Variants in RALGDS observed in about 807,000 individuals in gnomAD.
RALGDS encodes ral guanine nucleotide exchange factor.
RALGDS carries 44 observed loss-of-function variants against 99.8 expected under a neutral mutation model. The observed-to-expected ratio is 0.44, with a 90% CI of 0.35 to 0.57. The LOEUF (loss-of-function observed/expected upper bound fraction) is 0.57, where lower values mean the gene tolerates loss of function less well. Among genes scored for constraint, RALGDS ranks in the 20% least tolerant of loss-of-function variants. The pLI, the probability that RALGDS is intolerant of heterozygous loss-of-function variation, is 0.01. For synonymous variants in RALGDS, 529 were observed against 505.0 expected (o/e 1.05, Z -0.64); for missense variants, 1,022 against 1,203.1 (o/e 0.85, Z 2.23).
upstream of RALGDS, among the ~76,000 whole-genome samples, chr9:133,123,249 C>A (rs929324424): frequency 6.6e-6 from 1 of 152,152 alleles, no homozygotes; most frequent in Non-Finnish European, 1.5e-5. Flanking sequence ...AACTGAAAGT[C>A]CAGAAGCTGC....
chr9:133,106,986 G>A, intron 7 of RALGDS, 99 bp downstream of exon 7: 1 of 1,336,510 alleles, frequency 7.5e-7, no homozygotes. Flanking sequence ...ATGCCCCTGG[G>A]AAGGGTAGAC....
Position 133,101,539 on chromosome 9 carries a change from T to G in RALGDS, c.2435A>C (p.Asn812Thr). Residue 812 changes from asparagine (N) to threonine (T), a missense_variant, in exon 16 of 18, where the codon AAC becomes ACC. By Grantham distance (65) the Asn-to-Thr change is moderately conservative (BLOSUM62 0). Transcript: ENST00000372050. ...GCTTACCAGGATGCTCTTGTACATG[T>G]TGCCATTGTCCACGTCCAGGCTGAC... ...IRVSLDVDNG[N>T]MYKSILVTSQ... The G allele has an allele frequency of 6.2e-7, 1 of 1,612,358 alleles. No individual in the cohort carries two copies. Among genetic ancestry groups the G allele is most frequent in the Non-Finnish European group, 8.5e-7 (1 of 1,180,022 alleles).
intron 1 of RALGDS, among the ~76,000 whole-genome samples, chr9:133,137,098 G>A (rs1832439962): frequency 6.6e-6 from 1 of 152,010 alleles, no homozygotes; most frequent in South Asian, 2.1e-4. Context: ...AGACGGGTGT[G>A]GTGGTGCACC....
At chr9:133,120,882 C>T (rs1831896619) in intron 1 of RALGDS, 90 bp downstream of exon 1, 3 of 1,324,410 alleles carry the variant, frequency 2.3e-6, no homozygotes, top group Admixed American at 7.4e-5. Flanking sequence ...ATCGCCCGGC[C>T]CCGTCCGGGG....
chr9:133,134,576 C>T (rs1197569205), upstream of RALGDS, among the ~76,000 whole-genome samples: 1 of 152,200 alleles, frequency 6.6e-6, no homozygotes, highest in East Asian at 1.9e-4. Flanking sequence ...AGGCTGCTTG[C>T]TTTCCTCTAC....
At chr9:133,129,803 CT>C (rs1832277812) in intron 1 of RALGDS, among the ~76,000 whole-genome samples, 2 of 143,660 alleles carry the variant, frequency 1.4e-5, no homozygotes, top group South Asian at 4.5e-4. Context: ...ACGAGATTTC[CT>C]TTCTTCTTTT....
intron 1 of RALGDS, among the ~76,000 whole-genome samples, chr9:133,142,820 C>A (rs187566966): frequency 6.6e-6 from 1 of 152,248 alleles, no homozygotes; most frequent in Admixed American, 6.5e-5. Flanking sequence ...CTCCCAGCCC[C>A]GCCCTGCCCA....
Position 133,102,856 on chromosome 9 carries a change from G to A in RALGDS, c.1836C>T (p.Cys612=), listed in dbSNP as rs753020604. Residue 612 remains cysteine, a synonymous_variant, in exon 13 of 18, where the codon TGC becomes TGT. Coordinates refer to ENST00000372050, the MANE Select transcript of RALGDS (RefSeq NM_006266.4). ...IAQIKLLQSA[C]NNYSIAPDEQ... Reference sequence around the variant, plus strand: ...CATCTGGCGCGATGCTGTAGTTGTTGCAGGCCGACTGCAGCAGCTTGATCT... The same window carrying A: ...CATCTGGCGCGATGCTGTAGTTGTTACAGGCCGACTGCAGCAGCTTGATCT... The A allele has an allele frequency of 1.9e-6, 3 of 1,613,670 alleles. No individual in the cohort carries two copies. Among genetic ancestry groups the A allele is most frequent in the East Asian group, 4.5e-5 (2 of 44,880 alleles).
At chr9:133,125,498 T>C (rs1409754469), upstream of RALGDS, among the ~76,000 whole-genome samples, 1 of 151,872 alleles carries the variant, frequency 6.6e-6, no homozygotes, top group African/African-American at 2.4e-5. Context: ...CTTTGGGAGG[T>C]TGAGCTGGGT....
intron 1 of RALGDS, chr9:133,148,829 G>T: frequency 3.6e-6 from 4 of 1,103,172 alleles, no homozygotes; most frequent in Non-Finnish European, 5.1e-6. Context: ...CCCGGGCGGG[G>T]TTGGACGCGG....
rs199581095 is a variant in RALGDS, at chr9:133,107,169, A to G, written c.1329T>C (p.Cys443=). Residue 443 remains cysteine (C), a synonymous_variant, in exon 7 of 18, where the codon TGT becomes TGC. Coordinates refer to ENST00000372050, the MANE Select transcript of RALGDS (RefSeq NM_006266.4). ...TVTQFNSVAN[C]VITTCLGNRS... Reference sequence around the variant, plus strand: ...GGTTCCCGAGGCAGGTGGTGATGACACAGTTGGCCACACTGTTGAACTGGG... The same window carrying G: ...GGTTCCCGAGGCAGGTGGTGATGACGCAGTTGGCCACACTGTTGAACTGGG... 5.6e-6 allele frequency: 9 copies of G among 1,613,594 alleles called. No homozygotes were observed. Among genetic ancestry groups the G allele is most frequent in the East Asian group, 4.5e-5 (2 of 44,890 alleles).
intron 10 of RALGDS, 47 bp downstream of exon 10, chr9:133,104,216 A>T: frequency 4.5e-6 from 7 of 1,556,096 alleles, no homozygotes; most frequent in Non-Finnish European, 6.2e-6. Context: ...CCTCCTCCCT[A>T]CCCCCAGGCC....
At chr9:133,112,231 T>C (rs1831384121) in intron 1 of RALGDS, 79 bp from the exon 2 acceptor site, 1 of 941,232 alleles carries the variant, frequency 1.1e-6, no homozygotes. Context: ...TGCACCTGTG[T>C]AACCTGTTTC....
chr9:133,101,013 G>A, intron 16 of RALGDS: 1 of 1,056,142 alleles, frequency 9.5e-7, no homozygotes, highest in South Asian at 3.2e-5. Context: ...TGAAGAAAGA[G>A]CCCCCAGGCA....
At chr9:133,127,975 G>A (rs1270414306) in intron 1 of RALGDS, among the ~76,000 whole-genome samples, 4 of 152,236 alleles carry the variant, frequency 2.6e-5, no homozygotes, top group African/African-American at 9.6e-5. Flanking sequence ...GGGGCTCGCT[G>A]TGGGGCCCTG....
Position 133,097,990 on chromosome 9 carries a change from C to T in RALGDS, c.*597G>A, listed in dbSNP as rs549915235. ...GATGGGACTCAGCTGGGACTGTCCT[C>T]ACTCACCGGGTGCAGAGTCTGGTCC... On this transcript the variant is annotated 3_prime_UTR_variant, in exon 18 of 18. Coordinates refer to ENST00000372050, the MANE Select transcript of RALGDS (RefSeq NM_006266.4). 67 of 246,566 alleles carry T rather than the reference C, an allele frequency of 2.7e-4. No homozygotes were observed. Among genetic ancestry groups the T allele is most frequent in the African/African-American group, 1.3e-3 (60 of 45,582 alleles). 15.3% of individuals were successfully genotyped at this position (246,566 alleles called of 1,614,324 possible).
At chr9:133,145,642 C>T (rs535540661) in intron 1 of RALGDS, among the ~76,000 whole-genome samples, 28 of 152,268 alleles carry the variant, frequency 1.8e-4, no homozygotes, top group Non-Finnish European at 3.2e-4. Flanking sequence ...CCAGTGTGTT[C>T]TCATGCTCCC....
rs181526080 is a variant in RALGDS at position 133,142,770 on chromosome 9, G to A, written c.18+6193C>T. On this transcript the variant is annotated intron_variant, in intron 1 of 17. Transcript: ENST00000393160. ...AAAGGGGCTCATTAGCTCTGTTTAT[G>A]TCTCCTTGCCGCCATTAACCACCAC... 3.1e-3 allele frequency among the ~76,000 whole-genome samples: 468 copies of A among 152,306 alleles called. 4 individuals carry two copies. Among genetic ancestry groups the A allele is most frequent in the African/African-American group, 0.011 (445 of 41,556 alleles).
Position 133,119,706 on chromosome 9 carries a change from C to T in RALGDS, c.183+1266G>A, listed in dbSNP as rs1339488039. 3.3e-5 allele frequency among the ~76,000 whole-genome samples: 5 copies of T among 152,044 alleles called. No homozygotes were observed. In the East Asian group the frequency reaches 7.7e-4, roughly 24 times the overall value. ...ACCCTCCCAGGGGTCCCTCTCCAGC[C>T]GCCAATGAGGACCAGAGCCCTGGAT... On this transcript the variant is annotated intron_variant, in intron 1 of 17. Transcript: ENST00000372050.
Sources: gnomAD v4.1 joint callset for allele counts (sites outside exome capture counted in the v4.1 genomes callset) on GRCh38, gnomAD v4.1.1 for gene constraint, MANE v1.5 for transcripts, NCBI Gene and HGNC (gene_info 2026-07-23, HGNC 2026-07-21) for gene names.